Variants in ABCA6 observed in about 807,000 individuals in gnomAD.
The protein encoded by ABCA6 is ATP binding cassette subfamily A member 6.
Under a neutral mutation model 191.2 loss-of-function variants are expected in ABCA6, and 164 were observed. That is an observed-to-expected ratio of 0.86 (90% confidence interval 0.76 to 0.98). The LOEUF is 0.98. Among genes scored for constraint, ABCA6 ranks in the 50% least tolerant of loss-of-function variants. The pLI is 0.00. For synonymous variants in ABCA6, 636 were observed against 647.7 expected, an observed-to-expected ratio of 0.98 and a Z score of 0.27; for missense variants, 1,958 against 1,894.1, an observed-to-expected ratio of 1.03 and a Z score of -0.63.
intron 6 of ABCA6, among the ~76,000 whole-genome samples, chr17:69,131,853 C>A (rs2073867451): frequency 6.6e-6 from 1 of 152,272 alleles, no homozygotes; most frequent in South Asian, 2.1e-4. Context: ...ATAGAGTTGA[C>A]TCATGCCTCC....
chr17:69,087,779 T>C (rs1000312824), intron 28 of ABCA6, among the ~76,000 whole-genome samples: 5 of 152,236 alleles, frequency 3.3e-5, no homozygotes, highest in Admixed American at 2.6e-4. Context: ...TCTGAGCTCA[T>C]CTTCATCACA....
intron 17 of ABCA6, chr17:69,109,292 A>G (rs2073371733): frequency 6.6e-6 from 1 of 152,142 alleles, no homozygotes; most frequent in African/African-American, 2.4e-5. Flanking sequence ...CACCCATCTC[A>G]TAGAAAGAAC....
At chr17:69,102,247 G>A (rs1486408467) in intron 21 of ABCA6, among the ~76,000 whole-genome samples, 1 of 152,144 alleles carries the variant, frequency 6.6e-6, no homozygotes, top group African/African-American at 2.4e-5. Flanking sequence ...TCTGGAGGCT[G>A]AGGCAGGAGT....
chr17:69,084,484 T>C lies in ABCA6; in HGVS notation c.4208A>G (p.His1403Arg). 1 of 1,614,172 alleles carries C rather than the reference T, an allele frequency of 6.2e-7. No homozygotes were observed. The highest frequency in any genetic ancestry group is 1.1e-5 in the South Asian group (1 of 91,090). The change falls in exon 33 of 39, where the codon CAT becomes CGT. Residue 1403 changes from histidine (H) to arginine (R), a missense_variant. Transcript: ENST00000284425. ...IARLVSAFKL[H>R]EQLNVPVQKL... is the part of the protein sequence containing the mutation. ...CTGCACAGGAACATTCAGCTGCTCATGCAGTTTGAAAGCACTCACTAATCT... is the reference window on the plus strand; with the variant it reads ...CTGCACAGGAACATTCAGCTGCTCACGCAGTTTGAAAGCACTCACTAATCT...
chr17:69,106,294 T>G, intron 18 of ABCA6, 83 bp from the exon 19 acceptor site: 1 of 1,326,400 alleles, frequency 7.5e-7, no homozygotes, highest in East Asian at 2.5e-5. Context: ...TTAGTAATAT[T>G]AAAAATAGTA....
chr17:69,136,992 C>G (rs534977119), intron 3 of ABCA6, among the ~76,000 whole-genome samples: 1 of 152,164 alleles, frequency 6.6e-6, no homozygotes, highest in East Asian at 1.9e-4. Flanking sequence ...TAAAAACACA[C>G]ACAATTTTCA....
In ABCA6 at chr17:69,082,866, G is replaced by A. The variant is rs776012885; in HGVS notation, c.4616+7C>T. ...CATATTTCTCCATAATCAAAAGCCC[G>A]TCTCACCTTTCCTGCCCTGCAGCCT... On this transcript the variant is annotated splice_region_variant and intron_variant, in intron 36 of 38. Coordinates refer to ENST00000284425, the MANE Select transcript of ABCA6 (RefSeq NM_080284.3). 3.3e-5 allele frequency: 53 copies of A among 1,613,912 alleles called. No homozygotes were observed. Among genetic ancestry groups the A allele is most frequent in the Non-Finnish European group, 3.6e-5 (43 of 1,179,982 alleles).
intron 20 of ABCA6, chr17:69,105,243 G>C (rs1241907291): frequency 1.9e-6 from 1 of 520,722 alleles, no homozygotes; most frequent in African/African-American, 2.0e-5. Flanking sequence ...TACTCTTCCA[G>C]GTTATACAGT....
chr17:69,117,939 T>C lies in ABCA6; in HGVS notation c.1454A>G (p.Lys485Arg). Residue 485 changes from lysine (K) to arginine (R), a missense_variant, in exon 11 of 39, where the codon AAG (lysine) becomes AGG (arginine). Coordinates refer to ENST00000284425, the MANE Select transcript of ABCA6 (RefSeq NM_080284.3). ...TTTTCCAGATTTTCCTTTATATTCC[T>C]TCTTAACATTTCTGATTCTGAAATA... ...KEAIRIRNVK[K>R]EYKGKSGKVE... is the part of the protein sequence containing the mutation. 6.3e-7 allele frequency: 1 copy of C among 1,590,750 alleles called. No homozygotes were observed. Among genetic ancestry groups the C allele is most frequent in the Non-Finnish European group, 8.6e-7 (1 of 1,163,986 alleles).
At chr17:69,111,335 AG>A (rs2073418342) in intron 16 of ABCA6, 1 of 154,686 alleles carries the variant, frequency 6.5e-6, no homozygotes, top group Admixed American at 6.5e-5. Context: ...GTTTGGCCAT[AG>A]GGTTATTTTA....
At chr17:69,089,766 T>G (rs1445085976) in intron 26 of ABCA6, among the ~76,000 whole-genome samples, 1 of 152,184 alleles carries the variant, frequency 6.6e-6, no homozygotes, top group Non-Finnish European at 1.5e-5. Flanking sequence ...TCTCTTCAAT[T>G]CTTTGTTTAA....
intron 19 of ABCA6, 199 bp downstream of exon 19, chr17:69,105,828 GA>G (rs2073289054): frequency 1.4e-6 from 1 of 731,000 alleles, no homozygotes; most frequent in African/African-American, 1.8e-5. Context: ...ATCAAACCAT[GA>G]AAACAAAACA....
At chr17:69,122,512 G>A (rs1170875769) in intron 10 of ABCA6, among the ~76,000 whole-genome samples, 2 of 152,102 alleles carry the variant, frequency 1.3e-5, no homozygotes, top group Non-Finnish European at 1.5e-5. Flanking sequence ...TATTAATCTT[G>A]TTTCATAGAA....
At chr17:69,121,599 G>A (rs1403911677) in intron 10 of ABCA6, among the ~76,000 whole-genome samples, 1 of 151,942 alleles carries the variant, frequency 6.6e-6, no homozygotes, top group Non-Finnish European at 1.5e-5. Context: ...GTGGGGATGT[G>A]GGAGAAGAAG....
At position 69,096,698 on chromosome 17, in the gene ABCA6, A is replaced by G; in HGVS notation, c.3224T>C (p.Leu1075Ser). ...TTCTATGTAGAAAATTAAATACATT[A>G]AAAGGAGAATTAAAATGAAGAAGCT... ...DVSFFILILL[L>S]MYLIFYIENM... The change falls in exon 24 of 39, where the codon TTA becomes TCA. Residue 1075 changes from leucine to serine, a missense_variant. Physicochemically the swap from Leu to Ser is moderately radical, Grantham distance 145. Coordinates refer to ENST00000284425, the MANE Select transcript of ABCA6 (RefSeq NM_080284.3). 1 of 1,588,424 alleles carries G rather than the reference A, an allele frequency of 6.3e-7. No homozygotes were observed. The highest frequency in any genetic ancestry group is 8.5e-7 in the Non-Finnish European group (1 of 1,170,006).
chr17:69,086,008 C>G (rs2072778939), intron 30 of ABCA6, among the ~76,000 whole-genome samples: 1 of 152,130 alleles, frequency 6.6e-6, no homozygotes, highest in South Asian at 2.1e-4. Context: ...ATGGCCGATG[C>G]ACTGAGTACA....
At chr17:69,106,876 C>T (rs922128641) in intron 18 of ABCA6, among the ~76,000 whole-genome samples, 1 of 151,996 alleles carries the variant, frequency 6.6e-6, no homozygotes, top group Non-Finnish European at 1.5e-5. Flanking sequence ...GAATTCATAC[C>T]AAAAGAATAA....
chr17:69,113,425 A>C (rs1598474488), intron 14 of ABCA6, 65 bp from the exon 15 acceptor site: 1 of 1,533,224 alleles, frequency 6.5e-7, no homozygotes, highest in Non-Finnish European at 8.8e-7. Flanking sequence ...AGAAGATAGC[A>C]TGAAAAACAA....
chr17:69,081,034 CA>C (rs1015803857), intron 37 of ABCA6, 31 bp downstream of exon 37: 28 of 1,358,408 alleles, frequency 2.1e-5, no homozygotes, highest in Non-Finnish European at 2.8e-5. Context: ...GTTGATTCTT[CA>C]AAAGATTTAT....
Sources: gnomAD v4.1 joint callset for allele counts (sites outside exome capture counted in the v4.1 genomes callset) on GRCh38, gnomAD v4.1.1 for gene constraint, MANE v1.5 for transcripts, NCBI Gene and HGNC (gene_info 2026-07-23, HGNC 2026-07-21) for gene names.